Variants in BUD23 observed in about 807,000 individuals in gnomAD.
The protein encoded by BUD23 is BUD23 rRNA methyltransferase and ribosome maturation factor, also known as 18S rRNA (guanine-N(7))-methyltransferase.
BUD23 carries 34 observed loss-of-function variants against 47.0 expected under a neutral mutation model. That is an observed-to-expected ratio of 0.72 (90% CI 0.55 to 0.96). The LOEUF (loss-of-function observed/expected upper bound fraction) is 0.96, where lower values mean the gene tolerates loss of function less well. BUD23 is among the 40% of genes least tolerant of loss of function. BUD23 has a pLI of 0.00. For synonymous variants in BUD23, 124 were observed against 132.0 expected, an observed-to-expected ratio of 0.94 and a Z score of 0.41; for missense variants, 343 against 361.2, an observed-to-expected ratio of 0.95 and a Z score of 0.41.
chr7:73,689,560 G>A (rs1353209075), intron 5 of BUD23, among the ~76,000 whole-genome samples: 1 of 152,106 alleles, frequency 6.6e-6, no homozygotes, highest in Admixed American at 6.6e-5. Flanking sequence ...TTGGGTGGAG[G>A]GGCTGCACCT....
intron 2 of BUD23, among the ~76,000 whole-genome samples, chr7:73,685,463 GCGTGTGAGACAGGCTCTCATTCTAT>G (rs1255736788): frequency 1.3e-5 from 2 of 152,226 alleles, no homozygotes; most frequent in Non-Finnish European, 1.5e-5. Context: ...AATTTTTTGT[GCGTGTGAGACAGGCTCTCATTCTAT>G]CGCCCAGGCC....
At chr7:73,695,897 C>G (rs1554614779) in intron 10 of BUD23, 1 of 152,244 alleles carries the variant, frequency 6.6e-6, no homozygotes, top group Admixed American at 6.5e-5. Flanking sequence ...CCTTAACACC[C>G]TTCACTGCTC....
At chr7:73,692,446 T>C in intron 6 of BUD23, 150 bp from the exon 7 acceptor site, 1 of 571,826 alleles carries the variant, frequency 1.7e-6, no homozygotes, top group Non-Finnish European at 2.8e-6. Flanking sequence ...TTCAGGGTGA[T>C]CTCTTTTGTT....
At position 73,693,621 on chromosome 7, in the gene BUD23, C is replaced by A; in HGVS notation, c.597-3C>A. 6.2e-7 allele frequency: 1 copy of A among 1,614,202 alleles called. No individual in the cohort carries two copies. The highest frequency in any genetic ancestry group is 2.2e-5 in the East Asian group (1 of 44,878). ...ACCCTCACTTTGCACTTTCTCCTTT[C>A]AGATTCTACCTCTGCTTGTTTTCTG... On this transcript the variant is annotated splice_region_variant and splice_polypyrimidine_tract_variant and intron_variant, in intron 8 of 11. Transcript: ENST00000265758.
In BUD23 at chr7:73,686,483, C is replaced by T. The variant is rs138105758; in HGVS notation, c.87-153C>T. Reference sequence around the variant, plus strand: ...GAATGGTTGAATTTGTTGATCCCAACTTAGAAGGGGTCAGAAAAGAGTACC... The same window carrying T: ...GAATGGTTGAATTTGTTGATCCCAATTTAGAAGGGGTCAGAAAAGAGTACC... On this transcript the variant is annotated intron_variant, in intron 2 of 11. Transcript: ENST00000265758. Among the ~76,000 whole-genome samples, 4 of 152,284 alleles carry T rather than the reference C, an allele frequency of 2.6e-5. No individual in the cohort carries two copies. The South Asian group carries it at 6.2e-4, about 24-fold the overall frequency.
chr7:73,696,116 T>G (rs1554614804), intron 10 of BUD23: 1 of 152,238 alleles, frequency 6.6e-6, no homozygotes, highest in East Asian at 1.9e-4. Flanking sequence ...GGAAAGGTCT[T>G]AAGACCTTTA....
intron 5 of BUD23, among the ~76,000 whole-genome samples, chr7:73,688,776 G>A (rs1268731469): frequency 2.0e-5 from 3 of 152,196 alleles, no homozygotes; most frequent in African/African-American, 7.2e-5. Flanking sequence ...TACTTGCAGG[G>A]GAGACTTCCT....
intron 2 of BUD23, 101 bp downstream of exon 2, chr7:73,683,905 C>G (rs1343993760): frequency 6.2e-7 from 1 of 1,607,188 alleles, no homozygotes; most frequent in African/African-American, 1.3e-5. Flanking sequence ...TTTGGGGGTG[C>G]GGGAAGGGAA....
intron 10 of BUD23, chr7:73,696,523 C>T (rs1317604101): frequency 6.6e-6 from 1 of 152,204 alleles, no homozygotes; most frequent in African/African-American, 2.4e-5. Flanking sequence ...GGTAGTGCCA[C>T]CTATCTTGGC....
Position 73,691,476 on chromosome 7 carries a change from C to T in BUD23, c.459+464C>T, listed in dbSNP as rs917031614. On this transcript the variant is annotated intron_variant, in intron 6 of 11. Coordinates refer to ENST00000265758, the MANE Select transcript of BUD23 (RefSeq NM_017528.5). Reference sequence around the variant, plus strand: ...CTGATCCTTTTCTTCGGATGAGGAACAGGATAGTTATTTACTGCAAAGAGA... The same window carrying T: ...CTGATCCTTTTCTTCGGATGAGGAATAGGATAGTTATTTACTGCAAAGAGA... Among the ~76,000 whole-genome samples the T allele has an allele frequency of 9.2e-5, 14 of 152,254 alleles. No homozygotes were observed. In the South Asian group the frequency reaches 2.7e-3, roughly 29 times the overall value.
At chr7:73,693,928 C>A in intron 9 of BUD23, 64 bp from the exon 10 acceptor site, 1 of 1,600,042 alleles carries the variant, frequency 6.2e-7, no homozygotes, top group Non-Finnish European at 8.5e-7. Context: ...GCCTGGGCTT[C>A]TGGAGTGGGG....
chr7:73,692,539 C>G, intron 6 of BUD23, 57 bp from the exon 7 acceptor site: 2 of 1,552,340 alleles, frequency 1.3e-6, no homozygotes, highest in Non-Finnish European at 1.8e-6. Flanking sequence ...AGAGGGGTGT[C>G]CAGGCCCTAA....
At chr7:73,684,607 A>AT (rs1554612505) in intron 2 of BUD23, among the ~76,000 whole-genome samples, 1 of 90,872 alleles carries the variant, frequency 1.1e-5, no homozygotes, top group Non-Finnish European at 2.4e-5. Flanking sequence ...AGTCGTTAAA[A>AT]AAAAAAAAAA....
At chr7:73,683,722 C>T in intron 1 of BUD23, 45 bp from the exon 2 acceptor site, 3 of 1,614,128 alleles carry the variant, frequency 1.9e-6, no homozygotes, top group African/African-American at 1.3e-5. Context: ...CTGCGGCCAC[C>T]GCGTCTGAAT....
intron 2 of BUD23, chr7:73,684,043 T>G (rs1797839729): frequency 1.5e-6 from 2 of 1,378,024 alleles, no homozygotes; most frequent in Admixed American, 5.8e-5. Context: ...GTTTTCAAAG[T>G]CGAATGTGAC....
At chr7:73,693,547 C>A in intron 8 of BUD23, 77 bp from the exon 9 acceptor site, 1 of 1,589,490 alleles carries the variant, frequency 6.3e-7, no homozygotes, top group Non-Finnish European at 8.6e-7. Flanking sequence ...GGAGGGGGTG[C>A]GGGTGGGGGA....
At chr7:73,693,090 G>T in intron 7 of BUD23, 1 of 578,954 alleles carries the variant, frequency 1.7e-6, no homozygotes. Flanking sequence ...TGGGGAGCTG[G>T]GTCCCTGCAC....
intron 10 of BUD23, 128 bp downstream of exon 10, chr7:73,694,178 G>A (rs938905816): frequency 1.0e-5 from 10 of 980,422 alleles, no homozygotes; most frequent in Non-Finnish European, 1.5e-5. Context: ...GGTGACGGTA[G>A]AAACATCAGG....
At chr7:73,684,629 G>A (rs1434934036) in intron 2 of BUD23, among the ~76,000 whole-genome samples, 3 of 123,932 alleles carry the variant, frequency 2.4e-5, no homozygotes, top group African/African-American at 6.0e-5. Flanking sequence ...GGGGGGGGAT[G>A]GGGGCGGGGG....
Sources: gnomAD v4.1 joint callset for allele counts (sites outside exome capture counted in the v4.1 genomes callset) on GRCh38, gnomAD v4.1.1 for gene constraint, MANE v1.5 for transcripts, NCBI Gene and HGNC (gene_info 2026-07-23, HGNC 2026-07-21) for gene names.